ARHGAP42: variants seen among roughly 807,000 people sequenced by gnomAD.
The protein encoded by ARHGAP42 is rho GTPase-activating protein 42.
Under a neutral mutation model 125.0 loss-of-function variants are expected in ARHGAP42, and 63 were observed. The observed-to-expected ratio is 0.50, with a 90% confidence interval of 0.41 to 0.62. The LOEUF (loss-of-function observed/expected upper bound fraction) is 0.62, where lower values mean the gene tolerates loss of function less well. Among genes scored for constraint, ARHGAP42 ranks in the 20% least tolerant of loss-of-function variants. The pLI, the probability that ARHGAP42 is intolerant of heterozygous loss-of-function variation, is 0.00. For synonymous variants in ARHGAP42, 339 were observed against 351.0 expected, an observed-to-expected ratio of 0.97 and a Z score of 0.38; for missense variants, 766 against 1,024.2, an observed-to-expected ratio of 0.75 and a Z score of 3.44.
intron 8 of ARHGAP42, among the ~76,000 whole-genome samples, chr11:100,939,377 G>A (rs914193890): frequency 6.6e-6 from 1 of 151,596 alleles, no homozygotes; most frequent in Non-Finnish European, 1.5e-5. Flanking sequence ...GCTTACTATT[G>A]GGTTCTTACT....
intron 4 of ARHGAP42, among the ~76,000 whole-genome samples, chr11:100,902,354 T>C (rs1004255824): frequency 1.3e-5 from 2 of 151,358 alleles, no homozygotes; most frequent in East Asian, 4.1e-4. Context: ...GGAGTCATGG[T>C]AATATGTTGA....
chr11:100,867,847 G>C (rs1048264636), intron 4 of ARHGAP42, among the ~76,000 whole-genome samples: 1 of 152,160 alleles, frequency 6.6e-6, no homozygotes, highest in Non-Finnish European at 1.5e-5. Context: ...TTTCCTTTCA[G>C]TTGAATACTT....
chr11:100,896,392 G>A (rs542699349), intron 4 of ARHGAP42, among the ~76,000 whole-genome samples: 1 of 152,282 alleles, frequency 6.6e-6, no homozygotes, highest in South Asian at 2.1e-4. Flanking sequence ...GGTATTTCTA[G>A]TTCTAGATCC....
intron 12 of ARHGAP42, among the ~76,000 whole-genome samples, chr11:100,954,718 A>T (rs1467984195): frequency 1.3e-5 from 2 of 152,100 alleles, no homozygotes; most frequent in Non-Finnish European, 2.9e-5. Flanking sequence ...GCCCAAGAAG[A>T]TGTCATAGCT....
chr11:100,773,200 AC>A lies in ARHGAP42; in HGVS notation c.250+2765del, dbSNP rs1285205356. ...AGAAGCCAGATTTTTTTCTTTTTCA[AC>A]CCTTTTAGCCTTAGCGCTTGACCCA... On this transcript the variant is annotated intron_variant, in intron 2 of 23. Coordinates refer to ENST00000298815, the MANE Select transcript of ARHGAP42 (RefSeq NM_152432.4). Among the ~76,000 whole-genome samples, 626 of 152,162 alleles carry A rather than the reference AC, an allele frequency of 4.1e-3. 3 individuals are homozygous for A. Among genetic ancestry groups the A allele is most frequent in the African/African-American group, 0.014 (597 of 41,528 alleles).
In ARHGAP42 at chr11:100,796,768, C is replaced by CTT. The variant is rs35175302; in HGVS notation, c.312+1620_312+1621dup. ...AACAAGTCCCTAACTCTTTTTAATT[C>CTT]TTTTTTTTTTTTTTTTTTTCAGACA... is the stretch of plus-strand genomic sequence containing the variant. On this transcript the variant is annotated intron_variant, in intron 3 of 23. Coordinates refer to ENST00000298815, the MANE Select transcript of ARHGAP42 (RefSeq NM_152432.4). Among the ~76,000 whole-genome samples the CTT allele has an allele frequency of 8.0e-4, 95 of 118,976 alleles. 1 individual carries two copies. Among genetic ancestry groups the CTT allele is most frequent in the African/African-American group, 1.2e-3 (40 of 32,220 alleles). 78.1% of individuals were successfully genotyped at this position (118,976 alleles called of 152,430 possible).
intron 4 of ARHGAP42, among the ~76,000 whole-genome samples, chr11:100,903,710 AT>A (rs1429205849): frequency 0.19 from 10,417 of 56,222 alleles, 1,271 homozygotes; most frequent in African/African-American, 0.3. Context: ...GTCCCTCAAA[AT>A]ATATATATAT....
chr11:100,968,942 T>TTTG (rs961516051), intron 17 of ARHGAP42, among the ~76,000 whole-genome samples: 6 of 34,538 alleles, frequency 1.7e-4, no homozygotes, highest in African/African-American at 6.4e-4. Flanking sequence ...TTTTGTTTTT[T>TTTG]TGTGTGTGTT....
intron 4 of ARHGAP42, among the ~76,000 whole-genome samples, chr11:100,871,046 G>A (rs1865683872): frequency 6.6e-6 from 1 of 151,802 alleles, no homozygotes; most frequent in African/African-American, 2.4e-5. Context: ...AATTGTACCA[G>A]CATTTGAATT....
intron 4 of ARHGAP42, among the ~76,000 whole-genome samples, chr11:100,899,303 A>G (rs1209379422): frequency 6.6e-6 from 1 of 152,192 alleles, no homozygotes. Context: ...TGGTGCTGAG[A>G]AGAACGAATA....
chr11:100,961,977 A>G (rs754369687), intron 15 of ARHGAP42, among the ~76,000 whole-genome samples: 1 of 152,196 alleles, frequency 6.6e-6, no homozygotes, highest in Non-Finnish European at 1.5e-5. Flanking sequence ...TTAAAAGGCT[A>G]TATAATATTT....
chr11:100,873,060 G>A (rs1047668943), intron 4 of ARHGAP42, among the ~76,000 whole-genome samples: 16 of 152,170 alleles, frequency 1.1e-4, no homozygotes, highest in African/African-American at 3.9e-4. Context: ...AAAGATCCCT[G>A]TATAGTTCTA....
At chr11:100,875,101 CTCTCTCTGTGTGTG>C (rs1332939051) in intron 4 of ARHGAP42, among the ~76,000 whole-genome samples, 210 of 93,424 alleles carry the variant, frequency 2.2e-3, no homozygotes, top group East Asian at 8.0e-3. Context: ...CTCTCTCTCT[CTCTCTCTGTGTGTG>C]TGTGTGTGTG....
chr11:100,763,886 G>A (rs769906610), intron 1 of ARHGAP42, among the ~76,000 whole-genome samples: 2 of 152,188 alleles, frequency 1.3e-5, no homozygotes, highest in Non-Finnish European at 2.9e-5. Flanking sequence ...CTCTCATAGA[G>A]TCCAACACAT....
chr11:100,795,228 T>C, intron 3 of ARHGAP42, 62 bp downstream of exon 3: 1 of 1,277,334 alleles, frequency 7.8e-7, no homozygotes, highest in Non-Finnish European at 1.1e-6. Context: ...AGAGAAAGAA[T>C]GGACTTCCTG....
chr11:100,693,493 G>A (rs1861226831), intron 1 of ARHGAP42, among the ~76,000 whole-genome samples: 1 of 152,156 alleles, frequency 6.6e-6, no homozygotes, highest in Non-Finnish European at 1.5e-5. Flanking sequence ...ACTCATTAGA[G>A]TGAAATGAAA....
intron 1 of ARHGAP42, among the ~76,000 whole-genome samples, chr11:100,722,961 C>T (rs895209153): frequency 5.9e-5 from 9 of 152,070 alleles, no homozygotes; most frequent in African/African-American, 2.2e-4. Flanking sequence ...TGATCCATTT[C>T]GAGTTCACTT....
intron 1 of ARHGAP42, among the ~76,000 whole-genome samples, chr11:100,733,942 T>G (rs11224422): frequency 0.42 from 59,299 of 139,758 alleles, 12,511 homozygotes; most frequent in African/African-American, 0.55. Flanking sequence ...TTTTTTTTTT[T>G]TTTTTTTTTT....
intron 2 of ARHGAP42, among the ~76,000 whole-genome samples, chr11:100,794,831 A>G (rs1354742837): frequency 6.6e-6 from 1 of 152,108 alleles, no homozygotes; most frequent in Non-Finnish European, 1.5e-5. Context: ...ATTTCTTCCA[A>G]TGTCTTTGAA....
Sources: gnomAD v4.1 joint callset for allele counts (sites outside exome capture counted in the v4.1 genomes callset) on GRCh38, gnomAD v4.1.1 for gene constraint, MANE v1.5 for transcripts, NCBI Gene and HGNC (gene_info 2026-07-23, HGNC 2026-07-21) for gene names.